The following ITPR2 variants were observed in gnomAD, a reference collection of about 807,000 sequenced individuals.
ITPR2 encodes the protein inositol 1,4,5-trisphosphate-gated calcium channel ITPR2.
Under a neutral mutation model 317.1 loss-of-function variants are expected in ITPR2, and 207 were observed. The observed-to-expected ratio is 0.65, with a 90% CI of 0.58 to 0.73. The LOEUF (loss-of-function observed/expected upper bound fraction) is 0.73. Among genes scored for constraint, ITPR2 ranks in the 30% least tolerant of loss-of-function variants. The pLI, the probability that ITPR2 is intolerant of heterozygous loss-of-function variation, is 0.00. For missense variants in ITPR2, 2,613 were observed against 3,284.0 expected, an observed-to-expected ratio of 0.80 and a Z score of 4.99; for synonymous variants, 1,156 against 1,149.1, an observed-to-expected ratio of 1.01 and a Z score of -0.12.
chr12:26,569,875 A>T (rs1383735011), intron 34 of ITPR2, among the ~76,000 whole-genome samples: 2 of 152,210 alleles, frequency 1.3e-5, no homozygotes, highest in Non-Finnish European at 2.9e-5. Context: ...ATCTCTACAG[A>T]GGGCAGCATC....
rs921081893 is a variant in ITPR2, at chr12:26,622,301, G to A, written c.3227C>T (p.Ala1076Val). 2 of 1,613,944 alleles carry A rather than the reference G, an allele frequency of 1.2e-6. No individual in the cohort carries two copies. The highest frequency in any genetic ancestry group is 8.5e-7 in the Non-Finnish European group (1 of 1,179,894). Residue 1076 changes from alanine (A) to valine (V), a missense_variant, in exon 25 of 57, where the codon GCC (alanine) becomes GTC (valine). Coordinates refer to ENST00000381340, the MANE Select transcript of ITPR2 (RefSeq NM_002223.4). Reference protein sequence around the residue: ...MHDYPPLLSGALQLLFKHFSQ... With the variant: ...MHDYPPLLSGVLQLLFKHFSQ... ...GAAGTGCTTAAACAACAGCTGCAGG[G>A]CTCCAGACAGCAAAGGCGGGTAGTC...
intron 1 of ITPR2, among the ~76,000 whole-genome samples, chr12:26,796,645 A>G (rs777641318): frequency 1.4e-4 from 21 of 152,218 alleles, no homozygotes; most frequent in African/African-American, 4.1e-4. Flanking sequence ...ATCTGAAGAC[A>G]TGTACGAACA....
intron 13 of ITPR2, among the ~76,000 whole-genome samples, chr12:26,670,059 T>A (rs889208332): frequency 3.9e-5 from 6 of 152,208 alleles, no homozygotes; most frequent in African/African-American, 1.4e-4. Flanking sequence ...TCGAACTGGG[T>A]GAAGCCCACC....
At chr12:26,653,840 C>A in intron 21 of ITPR2, 136 bp downstream of exon 21, 1 of 634,488 alleles carries the variant, frequency 1.6e-6, no homozygotes. Flanking sequence ...TATCACTCAG[C>A]CCTGTCATAG....
At chr12:26,679,111 G>A (rs114824110) in intron 13 of ITPR2, among the ~76,000 whole-genome samples, 22 of 152,290 alleles carry the variant, frequency 1.4e-4, no homozygotes, top group African/African-American at 5.1e-4. Flanking sequence ...ATTTAGCTCT[G>A]ATATTTACTT....
chr12:26,425,222 G>A (rs935630357), intron 49 of ITPR2, among the ~76,000 whole-genome samples: 5 of 152,052 alleles, frequency 3.3e-5, no homozygotes, highest in African/African-American at 1.2e-4. Flanking sequence ...GGGATTACAG[G>A]CATGACATAG....
intron 2 of ITPR2, among the ~76,000 whole-genome samples, chr12:26,788,836 A>G (rs1039994183): frequency 1.3e-5 from 2 of 151,950 alleles, no homozygotes; most frequent in Non-Finnish European, 2.9e-5. Flanking sequence ...TCTTTACACA[A>G]TGTGCTAGCT....
intron 21 of ITPR2, among the ~76,000 whole-genome samples, chr12:26,636,910 C>T (rs951881483): frequency 5.9e-5 from 9 of 152,174 alleles, no homozygotes; most frequent in African/African-American, 1.7e-4. Context: ...TGTTTTCCCA[C>T]ACCAGGTTGG....
chr12:26,498,371 G>C (rs531750430), intron 37 of ITPR2, among the ~76,000 whole-genome samples: 1 of 152,286 alleles, frequency 6.6e-6, no homozygotes, highest in East Asian at 1.9e-4. Flanking sequence ...AGTCCTTTGA[G>C]TTGAATTAAA....
intron 1 of ITPR2, among the ~76,000 whole-genome samples, chr12:26,809,901 A>G (rs1950704929): frequency 6.6e-6 from 1 of 152,200 alleles, no homozygotes; most frequent in Non-Finnish European, 1.5e-5. Flanking sequence ...TTAGCTTTGC[A>G]CATTAAGTCA....
intron 54 of ITPR2, among the ~76,000 whole-genome samples, chr12:26,387,824 G>T (rs1036361528): frequency 1.3e-5 from 2 of 152,128 alleles, no homozygotes; most frequent in African/African-American, 4.8e-5. Flanking sequence ...TGGATCCTTG[G>T]AAATGCACAG....
chr12:26,703,446 T>A (rs755112420), intron 9 of ITPR2, among the ~76,000 whole-genome samples: 2 of 151,996 alleles, frequency 1.3e-5, no homozygotes, highest in African/African-American at 4.8e-5. Flanking sequence ...CAGATCAGAG[T>A]TTCTCAACCC....
rs1367608603 is a variant in ITPR2, at chr12:26,486,426, AC to A, written c.5555-67del. The A allele has an allele frequency of 4.5e-3, 5,849 of 1,293,332 alleles. 150 individuals are homozygous for A. The African/African-American group carries it at 0.072, about 16-fold the overall frequency. The allele number at this position is 1,293,332 out of a possible 1,614,324, so 80.1% of individuals were successfully genotyped here. ...GCTTTTACTAATTAAAAAAAAAAAA[AC>A]AAACCAGGTACCCAAATTCTCTAAC... On this transcript the variant is annotated intron_variant, in intron 40 of 56. Transcript: ENST00000381340.
intron 45 of ITPR2, among the ~76,000 whole-genome samples, chr12:26,451,590 T>C (rs902000320): frequency 6.6e-6 from 1 of 152,182 alleles, no homozygotes; most frequent in Admixed American, 6.5e-5. Flanking sequence ...GTTTATTATT[T>C]CCTTTATAAT....
chr12:26,634,234 C>T (rs1046909374), intron 21 of ITPR2, among the ~76,000 whole-genome samples: 1 of 152,180 alleles, frequency 6.6e-6, no homozygotes, highest in African/African-American at 2.4e-5. Flanking sequence ...ACCATTACAG[C>T]TTGAAAAACA....
intron 2 of ITPR2, among the ~76,000 whole-genome samples, chr12:26,750,001 C>T (rs1388776526): frequency 1.3e-5 from 2 of 152,172 alleles, no homozygotes; most frequent in African/African-American, 4.8e-5. Flanking sequence ...ATTAGGGGAA[C>T]AAGAAACTAT....
intron 45 of ITPR2, among the ~76,000 whole-genome samples, chr12:26,473,459 G>A (rs541656515): frequency 6.6e-6 from 1 of 152,140 alleles, no homozygotes; most frequent in Non-Finnish European, 1.5e-5. Context: ...GCTCACTCGT[G>A]CAAGAAGACA....
At chr12:26,476,846 T>A in intron 44 of ITPR2, 66 bp downstream of exon 44, 2 of 962,422 alleles carry the variant, frequency 2.1e-6, no homozygotes, top group Non-Finnish European at 3.3e-6. Flanking sequence ...TTTTCTGACA[T>A]GCATTCTCTA....
intron 2 of ITPR2, among the ~76,000 whole-genome samples, chr12:26,775,955 T>TACATAC: frequency 6.8e-6 from 1 of 148,086 alleles, no homozygotes; most frequent in East Asian, 2.0e-4. Context: ...TATGTATATG[T>TACATAC]ATATCCTATT....
Sources: gnomAD v4.1 joint callset for allele counts (sites outside exome capture counted in the v4.1 genomes callset) on GRCh38, gnomAD v4.1.1 for gene constraint, MANE v1.5 for transcripts, NCBI Gene and HGNC (gene_info 2026-07-23, HGNC 2026-07-21) for gene names.